PRIM2: variants seen among roughly 807,000 people sequenced by gnomAD.
PRIM2 encodes DNA primase large subunit.
A neutral mutation model predicts 67.3 loss-of-function variants in PRIM2; 39 were observed. The ratio of observed to expected loss-of-function variants is 0.58; its 90% CI spans 0.45 to 0.76. The LOEUF (loss-of-function observed/expected upper bound fraction) is 0.76, where lower values mean the gene tolerates loss of function less well. Ranked by LOEUF, PRIM2 falls within the 30% of genes least tolerant of loss-of-function variation. The pLI, the probability that PRIM2 is intolerant of heterozygous loss-of-function variation, is 0.00. For missense variants in PRIM2, 398 were observed against 598.7 expected (o/e 0.66, Z 3.50); for synonymous variants, 143 against 198.7 (o/e 0.72, Z 2.36).
the PRIM2 span, among the ~76,000 whole-genome samples, chr6:57,237,421 T>G: frequency 6.6e-6 from 1 of 152,202 alleles, no homozygotes; most frequent in African/African-American, 2.4e-5. Flanking sequence ...TTAGTTTAAT[T>G]AGATCCCATT....
intron 7 of PRIM2, among the ~76,000 whole-genome samples, chr6:57,421,916 C>T (rs1301557564): frequency 6.6e-6 from 1 of 152,062 alleles, no homozygotes; most frequent in Admixed American, 6.6e-5. Context: ...AAATAATCAT[C>T]TAGAATAGAT....
intron 10 of PRIM2, among the ~76,000 whole-genome samples, chr6:57,564,778 T>TA (rs1775705358): frequency 6.6e-6 from 1 of 152,186 alleles, no homozygotes; most frequent in Non-Finnish European, 1.5e-5. Flanking sequence ...TAAATAATAG[T>TA]AAAAATGTAG....
the PRIM2 span, among the ~76,000 whole-genome samples, chr6:57,252,837 C>G: frequency 2.0e-5 from 3 of 152,344 alleles, no homozygotes; most frequent in South Asian, 4.1e-4. Flanking sequence ...TTTTCCAATC[C>G]TTGAACCTCT....
intron 8 of PRIM2, among the ~76,000 whole-genome samples, chr6:57,510,766 C>T (rs1554347644): frequency 9.2e-5 from 14 of 152,216 alleles, no homozygotes; most frequent in African/African-American, 2.6e-4. Context: ...CTTGTTATAA[C>T]GCCTTTCAAG....
chr6:57,524,092 A>G (rs1358219388), intron 8 of PRIM2, among the ~76,000 whole-genome samples: 5 of 152,124 alleles, frequency 3.3e-5, no homozygotes, highest in Non-Finnish European at 7.3e-5. Flanking sequence ...TGTCTTGGTC[A>G]TTCCCCAACC....
At chr6:57,347,925 G>C (rs906285859) in intron 5 of PRIM2, among the ~76,000 whole-genome samples, 2 of 152,210 alleles carry the variant, frequency 1.3e-5, no homozygotes, top group African/African-American at 2.4e-5. Flanking sequence ...TGGAATAGAT[G>C]CTGACATTTA....
chr6:57,286,172 G>T, the PRIM2 span, among the ~76,000 whole-genome samples: 2 of 152,078 alleles, frequency 1.3e-5, no homozygotes, highest in Admixed American at 6.6e-5. Flanking sequence ...TGTGAAAATG[G>T]CCATACTTCC....
chr6:57,282,942 T>C, the PRIM2 span, among the ~76,000 whole-genome samples: 1 of 152,202 alleles, frequency 6.6e-6, no homozygotes, highest in Non-Finnish European at 1.5e-5. Context: ...ATTTCTGTCA[T>C]GTACCAGCAT....
chr6:57,228,837 G>A, the PRIM2 span, among the ~76,000 whole-genome samples: 1 of 152,182 alleles, frequency 6.6e-6, no homozygotes, highest in Non-Finnish European at 1.5e-5. Flanking sequence ...AGTTATTAGA[G>A]GAATTTAATG....
chr6:57,589,036 CAG>C (rs1163704834), intron 10 of PRIM2, among the ~76,000 whole-genome samples: 28 of 152,242 alleles, frequency 1.8e-4, no homozygotes, highest in African/African-American at 5.8e-4. Context: ...CTTGGGATAT[CAG>C]GGGTAGCCTG....
chr6:57,290,056 C>T, the PRIM2 span, among the ~76,000 whole-genome samples: 1,139 of 151,490 alleles, frequency 7.5e-3, 14 homozygotes, highest in African/African-American at 0.026. Context: ...TCAGGAGACC[C>T]GTCTCACATG....
intron 11 of PRIM2, among the ~76,000 whole-genome samples, chr6:57,601,756 C>T (rs1385018636): frequency 0.16 from 24,458 of 152,080 alleles, 2,160 homozygotes; most frequent in Non-Finnish European, 0.21. Context: ...AACAAAACAT[C>T]TCATTTGTCT....
intron 7 of PRIM2, among the ~76,000 whole-genome samples, chr6:57,495,890 C>T (rs1230652727): frequency 5.3e-5 from 8 of 152,148 alleles, no homozygotes; most frequent in Admixed American, 2.0e-4. Context: ...ATTACAGGCA[C>T]GTGCCACCAC....
intron 6 of PRIM2, among the ~76,000 whole-genome samples, chr6:57,380,339 T>C (rs1215978915): frequency 3.9e-5 from 6 of 152,204 alleles, no homozygotes; most frequent in Non-Finnish European, 8.8e-5. Context: ...TCTGTTTGGA[T>C]TGCTGCCTTG....
chr6:57,328,882 G>C (rs1348923500), intron 5 of PRIM2, among the ~76,000 whole-genome samples: 1 of 152,114 alleles, frequency 6.6e-6, no homozygotes, highest in African/African-American at 2.4e-5. Context: ...ATGTAATTGT[G>C]GTTTTGATTT....
At chr6:57,479,050 G>A (rs1248953968) in intron 7 of PRIM2, among the ~76,000 whole-genome samples, 2 of 152,208 alleles carry the variant, frequency 1.3e-5, no homozygotes, top group Non-Finnish European at 2.9e-5. Flanking sequence ...GGAGGCTGAG[G>A]CAGGAGAGTT....
At chr6:57,352,317 G>A (rs1768883339) in intron 5 of PRIM2, among the ~76,000 whole-genome samples, 1 of 151,762 alleles carries the variant, frequency 6.6e-6, no homozygotes, top group Non-Finnish European at 1.5e-5. Context: ...CTCGGCTCAC[G>A]GCATCCTCCG....
At chr6:57,591,646 C>G (rs1279958251) in intron 10 of PRIM2, among the ~76,000 whole-genome samples, 81 of 152,202 alleles carry the variant, frequency 5.3e-4, no homozygotes, top group African/African-American at 1.8e-3. Context: ...TTGTATCTGG[C>G]TGTTATTAAA....
intron 7 of PRIM2, chr6:57,383,042 A>G (rs1770015658): frequency 1.3e-5 from 2 of 152,096 alleles, no homozygotes; most frequent in Non-Finnish European, 2.9e-5. Flanking sequence ...ATTTATGAGA[A>G]CACCTAGCAT....
Sources: gnomAD v4.1 joint callset for allele counts (sites outside exome capture counted in the v4.1 genomes callset) on GRCh38, gnomAD v4.1.1 for gene constraint, MANE v1.5 for transcripts, NCBI Gene and HGNC (gene_info 2026-07-23, HGNC 2026-07-21) for gene names.